The following DPT variants were observed in gnomAD, a reference collection of about 807,000 sequenced individuals.
DPT encodes the protein tyrosine-rich acidic matrix protein.
A neutral mutation model predicts 31.2 loss-of-function variants in DPT; 21 were observed. That is an observed-to-expected ratio of 0.67 (90% confidence interval 0.48 to 0.97). The LOEUF (loss-of-function observed/expected upper bound fraction) is 0.97. Ranked by LOEUF, DPT falls within the 50% of genes least tolerant of loss-of-function variation. DPT has a pLI of 0.00. For missense variants in DPT, 262 were observed against 258.8 expected (o/e 1.01, Z -0.08); for synonymous variants, 91 against 86.9 (o/e 1.05, Z -0.26).
At chr1:168,723,870 T>A (rs1318277791) in intron 1 of DPT, among the ~76,000 whole-genome samples, 1 of 152,224 alleles carries the variant, frequency 6.6e-6, no homozygotes, top group Non-Finnish European at 1.5e-5. Flanking sequence ...ATTTACAGAA[T>A]GCTTGTAAAG....
intron 2 of DPT, among the ~76,000 whole-genome samples, chr1:168,709,190 AC>A (rs1393594465): frequency 1.3e-5 from 2 of 152,192 alleles, no homozygotes; most frequent in East Asian, 3.9e-4. Context: ...ATGATTCACA[AC>A]CATCAGATCC....
intron 2 of DPT, among the ~76,000 whole-genome samples, chr1:168,705,409 T>A (rs2101901485): frequency 6.6e-6 from 1 of 152,124 alleles, no homozygotes; most frequent in South Asian, 2.1e-4. Context: ...AAACATCATA[T>A]CCCCAACCTT....
At chr1:168,715,115 C>G (rs918398712) in intron 1 of DPT, among the ~76,000 whole-genome samples, 20 of 152,212 alleles carry the variant, frequency 1.3e-4, no homozygotes, top group African/African-American at 4.8e-4. Context: ...CTTTCCTGTC[C>G]TAGCTGCTTA....
chr1:168,727,692 C>G (rs2101915542), intron 1 of DPT, among the ~76,000 whole-genome samples: 1 of 123,334 alleles, frequency 8.1e-6, no homozygotes, highest in South Asian at 2.5e-4. Context: ...CTGCATGCAA[C>G]TACACCGGGC....
At chr1:168,718,289 C>T (rs1650030946) in intron 1 of DPT, among the ~76,000 whole-genome samples, 1 of 152,226 alleles carries the variant, frequency 6.6e-6, no homozygotes, top group Admixed American at 6.5e-5. Flanking sequence ...GTTCTGAAGG[C>T]AATCCAAGTT....
At chr1:168,720,713 G>A (rs973785614) in intron 1 of DPT, among the ~76,000 whole-genome samples, 1 of 152,208 alleles carries the variant, frequency 6.6e-6, no homozygotes, top group Non-Finnish European at 1.5e-5. Context: ...TAGACAAGTG[G>A]CTCACTCCAT....
At chr1:168,720,944 ACTTACT>A (rs1650095426) in intron 1 of DPT, among the ~76,000 whole-genome samples, 1 of 152,258 alleles carries the variant, frequency 6.6e-6, no homozygotes, top group South Asian at 2.1e-4. Context: ...ATTCACTAGA[ACTTACT>A]CTATACCTGA....
At chr1:168,709,694 G>A (rs1231722897) in intron 2 of DPT, among the ~76,000 whole-genome samples, 1 of 152,238 alleles carries the variant, frequency 6.6e-6, no homozygotes, top group African/African-American at 2.4e-5. Flanking sequence ...GCTGCGTGCT[G>A]AAGAATGCCT....
chr1:168,725,986 T>G (rs1160603012), intron 1 of DPT, among the ~76,000 whole-genome samples: 2 of 152,210 alleles, frequency 1.3e-5, no homozygotes, highest in East Asian at 3.8e-4. Flanking sequence ...CCTTACAGAT[T>G]TTTCACTGAG....
chr1:168,711,214 G>C (rs1363495984), intron 2 of DPT, among the ~76,000 whole-genome samples: 1 of 150,734 alleles, frequency 6.6e-6, no homozygotes, highest in African/African-American at 2.4e-5. Flanking sequence ...AGAGAACGGG[G>C]TTTCATCATG....
At chr1:168,724,963 C>T (rs191879168) in intron 1 of DPT, among the ~76,000 whole-genome samples, 6 of 152,246 alleles carry the variant, frequency 3.9e-5, no homozygotes, top group African/African-American at 7.2e-5. Context: ...AAGTAGATAC[C>T]AATAAATGGA....
At chr1:168,703,795 G>A (rs754244057) in intron 2 of DPT, among the ~76,000 whole-genome samples, 3 of 152,122 alleles carry the variant, frequency 2.0e-5, no homozygotes, top group Admixed American at 2.0e-4. Flanking sequence ...CCAAATCACT[G>A]GTAGAAAGTG....
intron 1 of DPT, among the ~76,000 whole-genome samples, chr1:168,719,140 T>G (rs940119395): frequency 1.3e-5 from 2 of 152,208 alleles, no homozygotes; most frequent in Admixed American, 1.3e-4. Flanking sequence ...CAGAATTGAC[T>G]TTTAAGAGCT....
At chr1:168,715,725 G>A (rs1358484691) in intron 1 of DPT, among the ~76,000 whole-genome samples, 1 of 152,230 alleles carries the variant, frequency 6.6e-6, no homozygotes, top group Non-Finnish European at 1.5e-5. Flanking sequence ...GCAAAGCCCA[G>A]ATGGGTATGG....
intron 1 of DPT, among the ~76,000 whole-genome samples, chr1:168,719,184 C>A (rs1650046190): frequency 6.6e-6 from 1 of 152,174 alleles, no homozygotes; most frequent in South Asian, 2.1e-4. Flanking sequence ...CCTGAAACTC[C>A]CTCCAAGTAG....
At chr1:168,728,736 T>G in intron 1 of DPT, 134 bp downstream of exon 1, 1 of 1,078,238 alleles carries the variant, frequency 9.3e-7, no homozygotes, top group Non-Finnish European at 1.3e-6. Flanking sequence ...ACCCAGAGCA[T>G]GCAGTGGTGA....
At chr1:168,717,537 T>C (rs1295082019) in intron 1 of DPT, among the ~76,000 whole-genome samples, 3 of 152,206 alleles carry the variant, frequency 2.0e-5, no homozygotes, top group African/African-American at 7.2e-5. Flanking sequence ...TTCCTTTTGG[T>C]ATGCACATGC....
chr1:168,697,354 G>A (rs1269412550), intron 3 of DPT, among the ~76,000 whole-genome samples: 2 of 152,180 alleles, frequency 1.3e-5, no homozygotes, highest in Admixed American at 6.5e-5. Context: ...TGCTCACCAT[G>A]CACTGGGCTC....
intron 1 of DPT, among the ~76,000 whole-genome samples, chr1:168,722,405 T>TG (rs1650138425): frequency 6.6e-6 from 1 of 152,230 alleles, no homozygotes; most frequent in African/African-American, 2.4e-5. Context: ...TTACCAACTG[T>TG]GTGATACTTG....
Sources: allele counts gnomAD v4.1 joint callset (sites outside exome capture counted in the v4.1 genomes callset), GRCh38; gene constraint gnomAD v4.1.1; transcripts MANE v1.5; gene names NCBI Gene and HGNC (gene_info 2026-07-23, HGNC 2026-07-21).